The following N4BP1 variants were observed in gnomAD, a reference collection of about 807,000 sequenced individuals.
N4BP1 encodes the protein NEDD4 binding protein 1.
Under a neutral mutation model 70.9 loss-of-function variants are expected in N4BP1, and 21 were observed. The ratio of observed to expected loss-of-function variants is 0.30; its 90% CI spans 0.21 to 0.43. N4BP1 has a LOEUF of 0.43. Among genes scored for constraint, N4BP1 ranks in the 20% least tolerant of loss-of-function variants. The pLI is 1.00. For missense variants in N4BP1, 936 were observed against 1,069.4 expected (o/e 0.88, Z 1.74); for synonymous variants, 387 against 394.6 (o/e 0.98, Z 0.23).
chr16:48,574,053 C>A (rs2151093358), intron 1 of N4BP1, among the ~76,000 whole-genome samples: 1 of 152,202 alleles, frequency 6.6e-6, no homozygotes, highest in Non-Finnish European at 1.5e-5. Flanking sequence ...GGGTCAACTG[C>A]TTATGATTTA....
chr16:48,545,398 C>T (rs187217484), intron 6 of N4BP1, among the ~76,000 whole-genome samples: 44 of 133,844 alleles, frequency 3.3e-4, no homozygotes, highest in Non-Finnish European at 4.8e-4. Flanking sequence ...GGCAAAATCC[C>T]GTTTCTGCTA....
Position 48,561,470 on chromosome 16 carries a change from G to A in N4BP1, c.1173C>T (p.Phe391=). Residue 391 remains phenylalanine, a synonymous_variant, in exon 2 of 7, where the codon TTC becomes TTT. Coordinates refer to ENST00000262384, the MANE Select transcript of N4BP1 (RefSeq NM_153029.4). ...LEEIEKENKR[F]QEDREFSAGT... ...CAGCTGAAAATTCTCTGTCTTCTTG[G>A]AATCTTTTATTTTCTTTTTCAATTT... 6.2e-7 allele frequency: 1 copy of A among 1,611,610 alleles called. No individual in the cohort carries two copies. Among genetic ancestry groups the A allele is most frequent in the South Asian group, 1.1e-5 (1 of 90,450 alleles).
chr16:48,561,847 T>C lies in N4BP1; in HGVS notation c.796A>G (p.Ile266Val), dbSNP rs1219131740. ...SSSPDVLFDPINGLTPDEEAL... is the reference protein window; with the variant it reads ...SSSPDVLFDPVNGLTPDEEAL... ...TCTTCATCTGGGGTTAGACCATTTA[T>C]TGGATCAAAAAGCACATCTGGTGAG... Residue 266 changes from isoleucine to valine, a missense_variant, in exon 2 of 7, where the codon ATA (isoleucine) becomes GTA (valine). By Grantham distance (29) the Ile-to-Val change is conservative. This residue lies in a region of N4BP1 where 515 missense variants were observed against 491.7 expected (regional missense o/e 1.05). Transcript: ENST00000262384. The C allele has an allele frequency of 1.2e-6, 2 of 1,613,796 alleles. No homozygotes were observed. Among genetic ancestry groups the C allele is most frequent in the South Asian group, 1.1e-5 (1 of 91,090 alleles).
chr16:48,575,146 G>T (rs1964074242), intron 1 of N4BP1, among the ~76,000 whole-genome samples: 1 of 152,100 alleles, frequency 6.6e-6, no homozygotes, highest in African/African-American at 2.4e-5. Context: ...AGCAACAACG[G>T]ATTATTATAT....
chr16:48,609,305 A>G (rs865963693), intron 1 of N4BP1, among the ~76,000 whole-genome samples: 1 of 152,156 alleles, frequency 6.6e-6, no homozygotes, highest in Non-Finnish European at 1.5e-5. Context: ...TCCGATTCTC[A>G]AGAGGAACTG....
At chr16:48,590,387 A>G (rs1597109423) in intron 1 of N4BP1, among the ~76,000 whole-genome samples, 1 of 152,190 alleles carries the variant, frequency 6.6e-6, no homozygotes, top group African/African-American at 2.4e-5. Flanking sequence ...AGTCTCCCAC[A>G]CAGCCAGCTG....
rs772522903 is a variant in N4BP1, at chr16:48,561,354, G to C, written c.1289C>G (p.Thr430Arg). 8.7e-6 allele frequency: 14 copies of C among 1,613,856 alleles called. No homozygotes were observed. The South Asian group carries it at 1.5e-4, about 18-fold the overall frequency. ...CATATTTTGCTGTGTGTGAGCCTGT[G>C]TTTTCTTTGGAGTGGAATCAGTTGT... is the stretch of plus-strand genomic sequence containing the variant. ...ELTTDSTPKK[T>R]QAHTQQNMVE... is the part of the protein sequence containing the mutation. The change falls in exon 2 of 7, where the codon ACA becomes AGA. Residue 430 changes from threonine (T) to arginine (R), a missense_variant. Thr to Arg is a moderately conservative substitution (Grantham distance 71). Coordinates refer to ENST00000262384, the MANE Select transcript of N4BP1 (RefSeq NM_153029.4).
intron 1 of N4BP1, among the ~76,000 whole-genome samples, chr16:48,603,365 G>C (rs905101803): frequency 6.6e-6 from 1 of 151,814 alleles, no homozygotes; most frequent in Non-Finnish European, 1.5e-5. Flanking sequence ...TAGGCCTCTC[G>C]GTGGCTACTC....
chr16:48,575,962 C>A (rs1195552937), intron 1 of N4BP1, among the ~76,000 whole-genome samples: 1 of 151,866 alleles, frequency 6.6e-6, no homozygotes, highest in Non-Finnish European at 1.5e-5. Context: ...CAAGGAAACT[C>A]AAAATATTAA....
intron 1 of N4BP1, chr16:48,577,662 G>T: frequency 4.5e-6 from 1 of 221,444 alleles, no homozygotes; most frequent in East Asian, 1.0e-4. Flanking sequence ...TCAGGCAGCT[G>T]TAGGTCTTGG....
rs188430129 is a variant in N4BP1 at position 48,579,427 on chromosome 16, A to T, written c.199-16983T>A. On this transcript the variant is annotated intron_variant, in intron 1 of 6. Coordinates refer to ENST00000262384, the MANE Select transcript of N4BP1 (RefSeq NM_153029.4). ...GGAGTACTCTCTTAGGCCTACTCAAAGATTATTTAATTCTCTAGGAAATAC... is the reference window on the plus strand; with the variant it reads ...GGAGTACTCTCTTAGGCCTACTCAATGATTATTTAATTCTCTAGGAAATAC... 5.4e-3 allele frequency among the ~76,000 whole-genome samples: 818 copies of T among 152,344 alleles called. 7 individuals carry two copies. The highest frequency in any genetic ancestry group is 6.7e-3 in the Non-Finnish European group (454 of 68,022).
At chr16:48,588,126 AT>A (rs1285738861) in intron 1 of N4BP1, among the ~76,000 whole-genome samples, 1 of 152,124 alleles carries the variant, frequency 6.6e-6, no homozygotes, top group Non-Finnish European at 1.5e-5. Flanking sequence ...CTAGCTACTA[AT>A]ACATCTTACC....
chr16:48,588,121 T>A (rs1348867076), intron 1 of N4BP1, among the ~76,000 whole-genome samples: 1 of 152,138 alleles, frequency 6.6e-6, no homozygotes, highest in African/African-American at 2.4e-5. Flanking sequence ...CCTCACTAGC[T>A]ACTAATACAT....
intron 1 of N4BP1, among the ~76,000 whole-genome samples, chr16:48,606,610 A>G (rs1244252120): frequency 6.6e-6 from 1 of 152,230 alleles, no homozygotes; most frequent in Non-Finnish European, 1.5e-5. Flanking sequence ...TCACTGGTAC[A>G]GAGTCAGTGC....
intron 1 of N4BP1, among the ~76,000 whole-genome samples, chr16:48,599,879 G>A (rs948447538): frequency 2.6e-5 from 4 of 152,112 alleles, no homozygotes; most frequent in African/African-American, 9.7e-5. Context: ...GTGACCATAA[G>A]GGTACAGTTT....
At chr16:48,577,523 C>T in intron 1 of N4BP1, 1 of 175,236 alleles carries the variant, frequency 5.7e-6, no homozygotes, top group Non-Finnish European at 1.3e-5. Flanking sequence ...GTATAAAACC[C>T]CTATGTTGCA....
chr16:48,602,041 G>A (rs1964509468), intron 1 of N4BP1, among the ~76,000 whole-genome samples: 2 of 152,166 alleles, frequency 1.3e-5, no homozygotes. Flanking sequence ...CGGCCAACAT[G>A]GTGAAACCCT....
chr16:48,547,964 A>C, intron 5 of N4BP1, 43 bp downstream of exon 5: 1 of 1,320,104 alleles, frequency 7.6e-7, no homozygotes, highest in Non-Finnish European at 1.1e-6. Flanking sequence ...CAAACAATTA[A>C]AAACAAAACT....
At chr16:48,586,869 A>T (rs3848321) in intron 1 of N4BP1, among the ~76,000 whole-genome samples, 60,918 of 149,786 alleles carry the variant, frequency 0.41, 13,117 homozygotes, top group African/African-American at 0.57. Flanking sequence ...AACTTTTAAC[A>T]TTTTTTTTTT....
Sources: gnomAD v4.1 joint callset for allele counts (sites outside exome capture counted in the v4.1 genomes callset) on GRCh38, gnomAD v4.1.1 for gene constraint, gnomAD v4.1.1 regional missense constraint, MANE v1.5 for transcripts, NCBI Gene and HGNC (gene_info 2026-07-23, HGNC 2026-07-21) for gene names.